MAPRE2: variants seen among roughly 807,000 people sequenced by gnomAD.
MAPRE2 encodes the protein microtubule associated protein RP/EB family member 2.
In MAPRE2, 13 loss-of-function variants were observed where a neutral mutation model predicts 43.2. That is an observed-to-expected ratio of 0.30 (90% CI 0.20 to 0.48). The LOEUF (loss-of-function observed/expected upper bound fraction) is 0.48. Among genes scored for constraint, MAPRE2 ranks in the 20% least tolerant of loss-of-function variants. The probability of loss-of-function intolerance (pLI) is 0.99; values close to 1 mark genes in which losing one functional copy is unlikely to be tolerated. For missense variants in MAPRE2, 161 were observed against 400.2 expected (o/e 0.40, Z 5.10); for synonymous variants, 135 against 148.8 (o/e 0.91, Z 0.68).
At chr18:35,060,534 A>G (rs1906470738) in intron 1 of MAPRE2, among the ~76,000 whole-genome samples, 1 of 152,194 alleles carries the variant, frequency 6.6e-6, no homozygotes, top group Non-Finnish European at 1.5e-5. Flanking sequence ...GTACATGTCA[A>G]GTTTCATTCA....
intron 1 of MAPRE2, among the ~76,000 whole-genome samples, chr18:34,981,876 T>TTTA (rs2097016433): frequency 2.9e-5 from 1 of 34,656 alleles, no homozygotes; most frequent in Admixed American, 3.7e-4. Context: ...TTTTTTTTTT[T>TTTA]ATTTTTATTT....
intron 2 of MAPRE2, among the ~76,000 whole-genome samples, chr18:35,093,038 C>T (rs181531199): frequency 2.0e-3 from 296 of 151,790 alleles, no homozygotes; most frequent in Non-Finnish European, 3.5e-3. Flanking sequence ...ATGGTAAAAC[C>T]CCATCTCTTC....
chr18:35,031,737 G>A (rs1459020689), intron 2 of MAPRE2, among the ~76,000 whole-genome samples: 1 of 152,152 alleles, frequency 6.6e-6, no homozygotes, highest in Non-Finnish European at 1.5e-5. Flanking sequence ...GCAAGTATGA[G>A]ACTTAAAAAT....
chr18:34,990,153 G>A (rs530778305), intron 1 of MAPRE2, among the ~76,000 whole-genome samples: 1 of 152,152 alleles, frequency 6.6e-6, no homozygotes, highest in East Asian at 1.9e-4. Context: ...CACTCAGAAA[G>A]GTTGCTCTCC....
At position 35,009,276 on chromosome 18, in the gene MAPRE2, T is replaced by G. The variant is rs181671532; in HGVS notation, c.-8+3723T>G. Reference sequence around the variant, plus strand: ...TACTCAGGGATGGTGAGATTAGCTATTCATTCCATAAACATGTATTGATCA... The same window carrying G: ...TACTCAGGGATGGTGAGATTAGCTAGTCATTCCATAAACATGTATTGATCA... On this transcript the variant is annotated intron_variant, in intron 2 of 7. Transcript: ENST00000413393. Among the ~76,000 whole-genome samples the G allele has an allele frequency of 6.6e-5, 10 of 152,278 alleles. 1 individual carries two copies. The highest frequency in any genetic ancestry group is 2.4e-4 in the African/African-American group (10 of 41,560).
rs184033118 is a variant in MAPRE2, at chr18:35,093,963, T to C, written c.251-3483T>C. ...AGAGCTAACATCTCCCTGACTTATA[T>C]TGACCTTTCTCAAGACAAGAGTTTT... On this transcript the variant is annotated intron_variant, in intron 2 of 6. Coordinates refer to ENST00000300249, the MANE Select transcript of MAPRE2 (RefSeq NM_014268.4). Among the ~76,000 whole-genome samples the C allele has an allele frequency of 5.1e-4, 77 of 152,330 alleles. No homozygotes were observed. The East Asian group carries it at 0.011, about 23-fold the overall frequency.
intron 4 of MAPRE2, among the ~76,000 whole-genome samples, chr18:35,109,887 T>A: frequency 6.6e-6 from 1 of 152,162 alleles, no homozygotes; most frequent in East Asian, 1.9e-4. Context: ...TTGTCCCCTC[T>A]GTTTCTTGTT....
intron 1 of MAPRE2, among the ~76,000 whole-genome samples, chr18:35,064,000 TAAAAAAAAAAAA>T (rs575347953): frequency 4.4e-4 from 15 of 33,952 alleles, no homozygotes; most frequent in African/African-American, 7.2e-4. Context: ...CCTGTCTCTT[TAAAAAAAAAAAA>T]AAAAAAAAAA....
chr18:35,033,095 T>C (rs1027839434), intron 2 of MAPRE2, among the ~76,000 whole-genome samples: 3 of 152,140 alleles, frequency 2.0e-5, no homozygotes, highest in South Asian at 2.1e-4. Flanking sequence ...TTGATGAACA[T>C]TGATGCAAAA....
chr18:34,980,339 G>A (rs1469250696), intron 1 of MAPRE2, among the ~76,000 whole-genome samples: 1 of 151,984 alleles, frequency 6.6e-6, no homozygotes, highest in African/African-American at 2.4e-5. Context: ...TTTCTTTAAG[G>A]AGGAAAAACA....
chr18:35,041,785 G>A (rs1905382273), intron 1 of MAPRE2, 124 bp downstream of exon 1: 3 of 1,527,518 alleles, frequency 2.0e-6, no homozygotes, highest in Non-Finnish European at 2.6e-6. Context: ...TTGTGAAGGC[G>A]GTTGTGATTA....
intron 1 of MAPRE2, chr18:35,005,342 G>T: frequency 2.0e-6 from 1 of 509,196 alleles, no homozygotes; most frequent in Non-Finnish European, 3.5e-6. Context: ...TGGTAAGATT[G>T]ATTGACTTTT....
intron 2 of MAPRE2, among the ~76,000 whole-genome samples, chr18:35,019,144 G>A (rs1369065976): frequency 6.6e-6 from 1 of 151,862 alleles, no homozygotes; most frequent in African/African-American, 2.4e-5. Context: ...CCTTTGAGGA[G>A]TCTTCTTGGT....
rs1286365149 is a variant in MAPRE2 at position 35,142,036 on chromosome 18, A to AGAC, written c.*1668_*1670dup. Reference sequence around the variant, plus strand: ...TTATTACAACACACTGTGCAGAATTAGACAGATGTTCCGTGGTGTTTGGTT... The same window carrying AGAC: ...TTATTACAACACACTGTGCAGAATTAGACGACAGATGTTCCGTGGTGTTTGGTT... On this transcript the variant is annotated 3_prime_UTR_variant, in exon 7 of 7. Coordinates refer to ENST00000300249, the MANE Select transcript of MAPRE2 (RefSeq NM_014268.4). 2.0e-5 allele frequency: 3 copies of AGAC among 152,238 alleles called. No homozygotes were observed. Among genetic ancestry groups the AGAC allele is most frequent in the Non-Finnish European group, 4.4e-5 (3 of 68,052 alleles). 9.4% of individuals were successfully genotyped at this position (152,238 alleles called of 1,614,324 possible). A position where few individuals can be genotyped will look rare whatever the true frequency, so the allele number is the denominator to read the frequency against.
At chr18:35,045,599 ATG>A (rs1491099706) in intron 1 of MAPRE2, among the ~76,000 whole-genome samples, 1 of 152,310 alleles carries the variant, frequency 6.6e-6, no homozygotes, top group East Asian at 1.9e-4. Context: ...AATATTGTGC[ATG>A]TGTGTGTGTT....
rs144409344 is a variant in MAPRE2 at position 35,010,123 on chromosome 18, A to G, written c.-8+4570A>G. ...ATTTTAATTTAGACCATGGTAGGTC[A>G]CGCCTGTAATCCCAACACTTTTGGA... On this transcript the variant is annotated intron_variant, in intron 2 of 7. Transcript: ENST00000413393. 2.3e-3 allele frequency among the ~76,000 whole-genome samples: 354 copies of G among 152,334 alleles called. 2 individuals carry two copies. The highest frequency in any genetic ancestry group is 3.8e-3 in the Non-Finnish European group (257 of 68,028).
intron 6 of MAPRE2, among the ~76,000 whole-genome samples, chr18:35,139,876 C>T (rs763394289): frequency 6.6e-6 from 1 of 152,096 alleles, no homozygotes; most frequent in African/African-American, 2.4e-5. Context: ...GGAGTGACAC[C>T]CCCCACCAAA....
At chr18:35,098,466 G>C (rs1569002738) in intron 3 of MAPRE2, among the ~76,000 whole-genome samples, 1 of 152,158 alleles carries the variant, frequency 6.6e-6, no homozygotes, top group South Asian at 2.1e-4. Context: ...TATGTATTTT[G>C]TAAGCTAAGG....
chr18:35,041,842 C>A (rs1017663083), intron 1 of MAPRE2, 181 bp downstream of exon 1: 27 of 1,411,412 alleles, frequency 1.9e-5, no homozygotes, highest in Non-Finnish European at 2.3e-5. Context: ...ATTGAGGCTC[C>A]GCGACTGCAG....
Sources: gnomAD v4.1 joint callset for allele counts (sites outside exome capture counted in the v4.1 genomes callset) on GRCh38, gnomAD v4.1.1 for gene constraint, MANE v1.5 for transcripts, NCBI Gene and HGNC (gene_info 2026-07-23, HGNC 2026-07-21) for gene names.